The following CNBD1 variants were observed in gnomAD, a reference collection of about 807,000 sequenced individuals.
The protein encoded by CNBD1 is cyclic nucleotide binding domain containing 1, also known as cyclic nucleotide-binding domain-containing protein 1.
CNBD1 carries 71 observed loss-of-function variants against 54.4 expected under a neutral mutation model. The ratio of observed to expected loss-of-function variants is 1.30; its 90% CI spans 1.08 to 1.59. The LOEUF (loss-of-function observed/expected upper bound fraction) is 1.59. CNBD1 is among the 40% of genes most tolerant of loss of function. CNBD1 has a pLI of 0.00. For missense variants in CNBD1, 659 were observed against 518.0 expected (o/e 1.27, Z -2.64); for synonymous variants, 182 against 170.7 (o/e 1.07, Z -0.51).
chr8:87,419,431 G>A (rs897925757), intron 2 of CNBD1, among the ~76,000 whole-genome samples: 2 of 151,852 alleles, frequency 1.3e-5, no homozygotes, highest in Admixed American at 6.6e-5. Context: ...GTTTAAAGGC[G>A]TGAATTTTAT....
At chr8:87,248,907 G>T (rs7844435) in intron 6 of CNBD1, among the ~76,000 whole-genome samples, 1 of 152,126 alleles carries the variant, frequency 6.6e-6, no homozygotes, top group African/African-American at 2.4e-5. Flanking sequence ...TAATGAGAGG[G>T]CCACGTATGG....
At chr8:87,173,946 T>TTTTA (rs998738048) in intron 4 of CNBD1, among the ~76,000 whole-genome samples, 11 of 151,462 alleles carry the variant, frequency 7.3e-5, no homozygotes, top group African/African-American at 1.9e-4. Context: ...GCTTGTTTCT[T>TTTTA]TTTATTTATT....
chr8:87,213,373 A>C (rs1048683602), intron 5 of CNBD1, among the ~76,000 whole-genome samples: 1 of 152,134 alleles, frequency 6.6e-6, no homozygotes, highest in Non-Finnish European at 1.5e-5. Context: ...GAGACTGGAT[A>C]ATTTATAAAG....
At chr8:86,868,700 G>T (rs760208511) in intron 1 of CNBD1, among the ~76,000 whole-genome samples, 1 of 152,036 alleles carries the variant, frequency 6.6e-6, no homozygotes, top group African/African-American at 2.4e-5. Context: ...CATTTAGCAC[G>T]TTATGTTATT....
At chr8:86,994,166 T>C (rs953237634) in intron 4 of CNBD1, among the ~76,000 whole-genome samples, 5 of 152,218 alleles carry the variant, frequency 3.3e-5, no homozygotes, top group African/African-American at 1.2e-4. Context: ...CCAAGATGCC[T>C]GTCACAGCCC....
At chr8:87,082,333 T>TC (rs1218004902) in intron 4 of CNBD1, among the ~76,000 whole-genome samples, 1 of 152,006 alleles carries the variant, frequency 6.6e-6, no homozygotes, top group Admixed American at 6.6e-5. Flanking sequence ...CACCCCTATC[T>TC]CCCTTTGCTG....
chr8:87,099,049 A>C (rs926535747), intron 4 of CNBD1, among the ~76,000 whole-genome samples: 31 of 149,946 alleles, frequency 2.1e-4, no homozygotes, highest in Non-Finnish European at 3.6e-4. Flanking sequence ...AAAAAAAAAA[A>C]AAAAAAAAAA....
At chr8:87,294,331 T>C (rs1808837135) in intron 8 of CNBD1, among the ~76,000 whole-genome samples, 1 of 152,212 alleles carries the variant, frequency 6.6e-6, no homozygotes, top group South Asian at 2.1e-4. Context: ...GTTGGGGATG[T>C]TCTGGTTTTT....
chr8:86,952,989 T>G (rs769574666), intron 4 of CNBD1, among the ~76,000 whole-genome samples: 11 of 152,220 alleles, frequency 7.2e-5, no homozygotes, highest in Non-Finnish European at 1.5e-4. Flanking sequence ...TTAAATAGTA[T>G]TATTATTTTT....
At chr8:87,381,674 C>T (rs1811077753) in intron 10 of CNBD1, among the ~76,000 whole-genome samples, 1 of 151,768 alleles carries the variant, frequency 6.6e-6, no homozygotes, top group Non-Finnish European at 1.5e-5. Flanking sequence ...TGCTATTCAG[C>T]CTTAAAAAGG....
chr8:87,012,541 C>G (rs1046376979), intron 4 of CNBD1, among the ~76,000 whole-genome samples: 15 of 152,146 alleles, frequency 9.9e-5, no homozygotes, highest in African/African-American at 2.9e-4. Flanking sequence ...AACCCCTACC[C>G]CTTTTGTTTT....
chr8:87,392,809 C>T (rs757498874), intron 2 of CNBD1, among the ~76,000 whole-genome samples: 5 of 151,734 alleles, frequency 3.3e-5, no homozygotes, highest in Admixed American at 6.6e-5. Context: ...CTGTGTTGTA[C>T]GTGACTTATA....
intron 4 of CNBD1, among the ~76,000 whole-genome samples, chr8:87,120,239 C>G (rs1811863015): frequency 6.6e-6 from 1 of 151,910 alleles, no homozygotes; most frequent in East Asian, 1.9e-4. Flanking sequence ...GTTACTGATT[C>G]AATCTTGCTA....
intron 8 of CNBD1, among the ~76,000 whole-genome samples, chr8:87,311,136 A>G (rs1809254886): frequency 6.6e-6 from 1 of 152,154 alleles, no homozygotes; most frequent in Non-Finnish European, 1.5e-5. Flanking sequence ...CTGCACAACA[A>G]AAGAAACTAT....
At chr8:87,314,179 G>T (rs1217877819) in intron 8 of CNBD1, among the ~76,000 whole-genome samples, 1 of 151,594 alleles carries the variant, frequency 6.6e-6, no homozygotes, top group Non-Finnish European at 1.5e-5. Flanking sequence ...ATTATTTATG[G>T]ATCTAAAATG....
intron 4 of CNBD1, among the ~76,000 whole-genome samples, chr8:87,172,149 G>C (rs1185924277): frequency 1.3e-5 from 2 of 151,498 alleles, no homozygotes. Flanking sequence ...AATTCTTCTT[G>C]TTATTAACAA....
intron 2 of CNBD1, among the ~76,000 whole-genome samples, chr8:87,390,009 A>T (rs551377945): frequency 0.26 from 38,916 of 149,262 alleles, 5,909 homozygotes; most frequent in Middle Eastern, 0.39. Context: ...AGGATTCCCT[A>T]TTTAATAAAT....
chr8:87,128,631 G>T (rs75663447), intron 4 of CNBD1, among the ~76,000 whole-genome samples: 1 of 152,002 alleles, frequency 6.6e-6, no homozygotes, highest in African/African-American at 2.4e-5. Context: ...GAAGATAATC[G>T]TATAGTCTCT....
chr8:87,387,014 T>A (rs1422528477), downstream of CNBD1, among the ~76,000 whole-genome samples: 1 of 152,002 alleles, frequency 6.6e-6, no homozygotes, highest in Non-Finnish European at 1.5e-5. Context: ...CTAAGCTCCG[T>A]AAGTGAGGGA....
Sources: gnomAD v4.1 joint callset for allele counts (sites outside exome capture counted in the v4.1 genomes callset) on GRCh38, gnomAD v4.1.1 for gene constraint, MANE v1.5 for transcripts, NCBI Gene and HGNC (gene_info 2026-07-23, HGNC 2026-07-21) for gene names.